KCNN2: variants seen among roughly 807,000 people sequenced by gnomAD.
KCNN2 encodes the protein potassium calcium-activated channel subfamily N member 2.
KCNN2 carries 24 observed loss-of-function variants against 55.5 expected under a neutral mutation model. The ratio of observed to expected loss-of-function variants is 0.43; its 90% CI spans 0.31 to 0.61. KCNN2 has a LOEUF of 0.61. KCNN2 is among the 20% of genes least tolerant of loss of function. KCNN2 has a pLI of 0.08. For missense variants in KCNN2, 754 were observed against 853.6 expected (o/e 0.88, Z 1.45); for synonymous variants, 431 against 336.1 (o/e 1.28, Z -3.09).
intron 1 of KCNN2, among the ~76,000 whole-genome samples, chr5:114,140,275 T>A (rs1160180454): frequency 6.6e-6 from 1 of 152,212 alleles, no homozygotes; most frequent in Non-Finnish European, 1.5e-5. Flanking sequence ...AGTACGAGGT[T>A]TATTATCAAG....
chr5:114,401,032 T>A (rs1316611858), intron 2 of KCNN2, among the ~76,000 whole-genome samples: 2 of 151,908 alleles, frequency 1.3e-5, no homozygotes, highest in Non-Finnish European at 2.9e-5. Flanking sequence ...ATGGGCAGAT[T>A]CTCTGTTCAT....
At chr5:114,167,684 A>G (rs1752944827) in intron 1 of KCNN2, among the ~76,000 whole-genome samples, 1 of 152,096 alleles carries the variant, frequency 6.6e-6, no homozygotes. Flanking sequence ...AAAAGTATTG[A>G]GGTATAATTG....
intron 3 of KCNN2, among the ~76,000 whole-genome samples, chr5:114,462,560 G>C (rs554873904): frequency 6.6e-6 from 1 of 152,124 alleles, no homozygotes; most frequent in Non-Finnish European, 1.5e-5. Flanking sequence ...GACAGAAAAG[G>C]CTCCCACTTG....
intron 1 of KCNN2, among the ~76,000 whole-genome samples, chr5:114,173,535 T>C (rs1167117336): frequency 2.0e-5 from 3 of 151,348 alleles, no homozygotes; most frequent in Non-Finnish European, 4.4e-5. Flanking sequence ...AAGAATGTCA[T>C]TGGTATTTTG....
At chr5:114,461,422 G>T (rs575646245) in intron 3 of KCNN2, among the ~76,000 whole-genome samples, 1 of 152,250 alleles carries the variant, frequency 6.6e-6, no homozygotes, top group South Asian at 2.1e-4. Context: ...CTCCTAATCA[G>T]GCTGGCTGCC....
At chr5:114,342,771 C>A (rs1757039016) in intron 2 of KCNN2, among the ~76,000 whole-genome samples, 1 of 152,196 alleles carries the variant, frequency 6.6e-6, no homozygotes, top group South Asian at 2.1e-4. Context: ...CATCAAAACA[C>A]ATATTAGCCT....
At chr5:114,454,233 C>T (rs1760818799) in intron 3 of KCNN2, among the ~76,000 whole-genome samples, 2 of 152,218 alleles carry the variant, frequency 1.3e-5, no homozygotes, top group East Asian at 1.9e-4. Flanking sequence ...AGTCCTGTCC[C>T]CTCATCACTC....
At chr5:114,491,764 A>G (rs1330871078) in intron 6 of KCNN2, among the ~76,000 whole-genome samples, 1 of 152,146 alleles carries the variant, frequency 6.6e-6, no homozygotes, top group Admixed American at 6.6e-5. Flanking sequence ...CTAAAGGTCC[A>G]GTTAGAGTAA....
intron 3 of KCNN2, among the ~76,000 whole-genome samples, 162 bp downstream of exon 3, chr5:114,405,018 A>AT (rs1758887845): frequency 6.6e-6 from 1 of 152,092 alleles, no homozygotes; most frequent in Non-Finnish European, 1.5e-5. Flanking sequence ...TTTTCTGAAG[A>AT]TTTTTTCGTA....
intron 1 of KCNN2, among the ~76,000 whole-genome samples, chr5:114,087,209 C>A (rs1170385075): frequency 6.6e-6 from 1 of 151,984 alleles, no homozygotes; most frequent in African/African-American, 2.4e-5. Flanking sequence ...TGACTATTTT[C>A]TCTCCCATTC....
intron 1 of KCNN2, among the ~76,000 whole-genome samples, chr5:114,163,539 A>T (rs548495259): frequency 1.3e-5 from 2 of 152,290 alleles, no homozygotes; most frequent in South Asian, 4.1e-4. Flanking sequence ...GCATCTATTG[A>T]GATCATCATG....
intron 1 of KCNN2, among the ~76,000 whole-genome samples, chr5:114,089,246 G>A (rs1364339507): frequency 6.6e-6 from 1 of 152,210 alleles, no homozygotes; most frequent in African/African-American, 2.4e-5. Flanking sequence ...GCTCATGAAT[G>A]AGCTTGATAC....
At chr5:114,423,438 G>T (rs1234393930) in intron 3 of KCNN2, among the ~76,000 whole-genome samples, 1 of 151,998 alleles carries the variant, frequency 6.6e-6, no homozygotes, top group East Asian at 1.9e-4. Flanking sequence ...CTTAGGAAGT[G>T]TTTCATAAGT....
intron 1 of KCNN2, among the ~76,000 whole-genome samples, chr5:114,057,444 C>T (rs1342346999): frequency 1.3e-5 from 2 of 152,162 alleles, no homozygotes; most frequent in African/African-American, 4.8e-5. Context: ...GAGATTGAAG[C>T]TCAGCATCTG....
At chr5:114,198,009 T>C (rs1355953222) in intron 1 of KCNN2, among the ~76,000 whole-genome samples, 1 of 152,218 alleles carries the variant, frequency 6.6e-6, no homozygotes, top group African/African-American at 2.4e-5. Context: ...TGTTGTTTTG[T>C]TGGGGAGAGG....
At chr5:114,425,565 T>C (rs1398919216) in intron 3 of KCNN2, among the ~76,000 whole-genome samples, 1 of 152,126 alleles carries the variant, frequency 6.6e-6, no homozygotes, top group Non-Finnish European at 1.5e-5. Flanking sequence ...CTTGGTTAAA[T>C]CAAATGCTCC....
At chr5:114,429,182 C>T (rs1478456605) in intron 3 of KCNN2, among the ~76,000 whole-genome samples, 1 of 152,074 alleles carries the variant, frequency 6.6e-6, no homozygotes, top group Non-Finnish European at 1.5e-5. Flanking sequence ...TGTAATTCCA[C>T]CAGCAATGAA....
intron 3 of KCNN2, among the ~76,000 whole-genome samples, chr5:114,421,897 G>A (rs951434000): frequency 1.1e-4 from 16 of 152,164 alleles, no homozygotes; most frequent in African/African-American, 3.1e-4. Flanking sequence ...GATTACAGGC[G>A]TGAGCCACCA....
intron 1 of KCNN2, among the ~76,000 whole-genome samples, chr5:114,128,683 G>A (rs1486374553): frequency 6.6e-6 from 1 of 152,048 alleles, no homozygotes; most frequent in Admixed American, 6.5e-5. Flanking sequence ...TATGTTTAGG[G>A]TCTGCCTGCT....
Sources: allele counts gnomAD v4.1 joint callset (sites outside exome capture counted in the v4.1 genomes callset), GRCh38; gene constraint gnomAD v4.1.1; transcripts MANE v1.5; gene names NCBI Gene and HGNC (gene_info 2026-07-23, HGNC 2026-07-21).